RBFOX1: variants seen among roughly 807,000 people sequenced by gnomAD.
The protein encoded by RBFOX1 is RNA binding fox-1 homolog 1, also known as RNA binding protein fox-1 homolog 1.
A neutral mutation model predicts 57.7 loss-of-function variants in RBFOX1; 8 were observed. That is an observed-to-expected ratio of 0.14 (90% CI 0.08 to 0.25). The LOEUF (loss-of-function observed/expected upper bound fraction) is 0.25. RBFOX1 is among the 10% of genes least tolerant of loss of function. RBFOX1 has a pLI of 1.00. For synonymous variants in RBFOX1, 326 were observed against 222.4 expected (o/e 1.47, Z -4.15); for missense variants, 611 against 548.5 (o/e 1.11, Z -1.14).
At chr16:6,994,030 A>C (rs2091908550) in intron 3 of RBFOX1, among the ~76,000 whole-genome samples, 1 of 152,096 alleles carries the variant, frequency 6.6e-6, no homozygotes. Context: ...GAATTTCCTC[A>C]ATCCACCTCC....
chr16:6,553,378 C>G (rs1403010593), intron 2 of RBFOX1, among the ~76,000 whole-genome samples: 1 of 152,166 alleles, frequency 6.6e-6, no homozygotes, highest in Non-Finnish European at 1.5e-5. Flanking sequence ...TAGGACTATT[C>G]AGTGAACGTC....
intron 5 of RBFOX1, among the ~76,000 whole-genome samples, chr16:7,550,629 T>A (rs532542933): frequency 6.6e-6 from 1 of 152,152 alleles, no homozygotes; most frequent in Non-Finnish European, 1.5e-5. Flanking sequence ...TCGGACCTCA[T>A]TGAAATAGGA....
Position 7,610,366 on chromosome 16 carries a change from C to T in RBFOX1, c.676+3028C>T, listed in dbSNP as rs1033946499. On this transcript the variant is annotated intron_variant, in intron 10 of 15. Coordinates refer to ENST00000550418, the MANE Select transcript of RBFOX1 (RefSeq NM_018723.4). ...GAACTTCTGACCTCAAGTGATGCGC[C>T]CAGCCTGTTTATTTATTTTTTTTTT... 4.6e-5 allele frequency among the ~76,000 whole-genome samples: 7 copies of T among 151,562 alleles called. No individual in the cohort carries two copies. In the East Asian group the frequency reaches 1.4e-3, roughly 29 times the overall value.
At chr16:6,932,195 C>T (rs1200262481) in intron 3 of RBFOX1, among the ~76,000 whole-genome samples, 1 of 152,172 alleles carries the variant, frequency 6.6e-6, no homozygotes, top group Non-Finnish European at 1.5e-5. Flanking sequence ...CCTCCACCTC[C>T]TGTGCTTGAG....
intron 3 of RBFOX1, among the ~76,000 whole-genome samples, chr16:6,886,228 A>C (rs900158086): frequency 1.1e-4 from 17 of 151,682 alleles, no homozygotes; most frequent in African/African-American, 4.1e-4. Context: ...CGCTTAGCTA[A>C]TTTTTGTATT....
chr16:6,277,551 C>T (rs934647597), intron 1 of RBFOX1, among the ~76,000 whole-genome samples: 112 of 148,966 alleles, frequency 7.5e-4, no homozygotes, highest in Admixed American at 2.7e-4. Context: ...GCAGAAGGAT[C>T]GCTTGAGCCC....
chr16:7,342,759 A>T (rs1297644735), intron 4 of RBFOX1, among the ~76,000 whole-genome samples: 2 of 151,912 alleles, frequency 1.3e-5, no homozygotes, highest in Admixed American at 1.3e-4. Context: ...GTGTGAAACC[A>T]CCATCCTCTT....
intron 4 of RBFOX1, among the ~76,000 whole-genome samples, chr16:7,075,825 C>G (rs1483945560): frequency 6.6e-6 from 1 of 152,090 alleles, no homozygotes; most frequent in Non-Finnish European, 1.5e-5. Flanking sequence ...CGTGATCTGC[C>G]TGCCTCAGCT....
chr16:5,678,068 C>T (rs995041281), intron 3 of RBFOX1, among the ~76,000 whole-genome samples: 3 of 152,126 alleles, frequency 2.0e-5, no homozygotes, highest in African/African-American at 2.4e-5. Context: ...GTGTTGGTGT[C>T]GATGAATGTC....
chr16:7,190,984 C>T (rs1426921918), intron 4 of RBFOX1, among the ~76,000 whole-genome samples: 2 of 151,784 alleles, frequency 1.3e-5, no homozygotes, highest in African/African-American at 4.8e-5. Flanking sequence ...AAAAGGGGCC[C>T]AGGAATGCGA....
At chr16:6,041,111 C>T (rs78655068) in intron 1 of RBFOX1, among the ~76,000 whole-genome samples, 12,688 of 152,134 alleles carry the variant, frequency 0.083, 653 homozygotes, top group African/African-American at 0.13. Context: ...CTTATTCTTC[C>T]CTCCCTGCTC....
intron 1 of RBFOX1, among the ~76,000 whole-genome samples, chr16:5,395,340 G>A (rs1368978962): frequency 6.6e-6 from 1 of 152,170 alleles, no homozygotes. Context: ...AACTTGGATC[G>A]GAAGATTTGT....
At chr16:7,696,313 G>T (rs1442839328) in intron 14 of RBFOX1, among the ~76,000 whole-genome samples, 1 of 152,120 alleles carries the variant, frequency 6.6e-6, no homozygotes. Flanking sequence ...CATCCAGCTT[G>T]GACAACTGAG....
chr16:6,495,663 C>T (rs1444001735), intron 2 of RBFOX1, among the ~76,000 whole-genome samples: 1 of 152,160 alleles, frequency 6.6e-6, no homozygotes, highest in Non-Finnish European at 1.5e-5. Flanking sequence ...CAGATGGATG[C>T]CTCTTATGGC....
intron 4 of RBFOX1, among the ~76,000 whole-genome samples, chr16:7,292,149 A>G (rs941572070): frequency 9.1e-5 from 12 of 131,190 alleles, no homozygotes; most frequent in African/African-American, 3.4e-4. Context: ...CGTATGATAT[A>G]TAATATAGAA....
At chr16:5,645,594 T>C (rs778218237) in intron 3 of RBFOX1, among the ~76,000 whole-genome samples, 7 of 152,256 alleles carry the variant, frequency 4.6e-5, no homozygotes, top group Non-Finnish European at 7.3e-5. Flanking sequence ...GAGTCTCATA[T>C]ATACATTGAC....
chr16:7,653,846 C>T lies in RBFOX1; in HGVS notation c.789C>T (p.Ala263=), dbSNP rs577598050. The change falls in exon 12 of 16, where the codon GCC becomes GCT. Residue 263 remains alanine, a synonymous_variant. Transcript: ENST00000550418. ...MPGFPYPAAT[A]AAAYRGAHLR... ...GCTTCCCGTATCCAGCAGCCACCGC[C>T]GCGGCCGCCTACCGAGGGGCGCACC... 82 of 1,607,096 alleles carry T rather than the reference C, an allele frequency of 5.1e-5. No individual in the cohort carries two copies. The East Asian group carries it at 1.1e-3, about 21-fold the overall frequency.
intron 3 of RBFOX1, among the ~76,000 whole-genome samples, chr16:5,690,000 A>T (rs747553484): frequency 1.3e-5 from 2 of 152,150 alleles, no homozygotes; most frequent in Non-Finnish European, 2.9e-5. Flanking sequence ...ATGGAACAGC[A>T]ATTGCGTAAA....
intron 4 of RBFOX1, among the ~76,000 whole-genome samples, chr16:7,412,246 C>T (rs1053168014): frequency 6.6e-6 from 1 of 151,458 alleles, no homozygotes; most frequent in African/African-American, 2.4e-5. Flanking sequence ...GAAACCCCAT[C>T]TCTACTAAAA....
Sources: allele counts gnomAD v4.1 joint callset (sites outside exome capture counted in the v4.1 genomes callset), GRCh38; gene constraint gnomAD v4.1.1; transcripts MANE v1.5; gene names NCBI Gene and HGNC (gene_info 2026-07-23, HGNC 2026-07-21).